SLC39A8: variants seen among roughly 807,000 people sequenced by gnomAD.
SLC39A8 encodes the protein solute carrier family 39 member 8, also known as metal cation symporter ZIP8.
A neutral mutation model predicts 40.4 loss-of-function variants in SLC39A8; 15 were observed. The ratio of observed to expected loss-of-function variants is 0.37; its 90% CI spans 0.25 to 0.57. The LOEUF is 0.57. Ranked by LOEUF, SLC39A8 falls within the 20% of genes least tolerant of loss-of-function variation. The pLI is 0.75. For missense variants in SLC39A8, 472 were observed against 558.8 expected, an observed-to-expected ratio of 0.84 and a Z score of 1.57; for synonymous variants, 223 against 221.6, an observed-to-expected ratio of 1.01 and a Z score of -0.06.
chr4:102,278,466 G>A (rs147609854), intron 6 of SLC39A8, among the ~76,000 whole-genome samples: 6 of 152,154 alleles, frequency 3.9e-5, no homozygotes, highest in African/African-American at 1.2e-4. Flanking sequence ...TTAGAATGTC[G>A]ATCACTAAAA....
chr4:102,318,317 G>A (rs910772668), intron 2 of SLC39A8, among the ~76,000 whole-genome samples: 4 of 152,124 alleles, frequency 2.6e-5, no homozygotes, highest in Admixed American at 6.6e-5. Flanking sequence ...CAATCACCAC[G>A]AAGAACACAG....
downstream of SLC39A8, among the ~76,000 whole-genome samples, chr4:102,260,191 A>T (rs912693866): frequency 6.6e-6 from 1 of 152,266 alleles, no homozygotes; most frequent in Non-Finnish European, 1.5e-5. Context: ...AACTGGCTGC[A>T]TAAGAACCAT....
intron 6 of SLC39A8, among the ~76,000 whole-genome samples, chr4:102,282,714 G>A (rs1386942438): frequency 6.6e-6 from 1 of 151,952 alleles, no homozygotes; most frequent in Non-Finnish European, 1.5e-5. Context: ...AGTGATCAAG[G>A]CAGTTTTTTG....
chr4:102,311,815 T>G (rs1426215500), intron 3 of SLC39A8, among the ~76,000 whole-genome samples: 1 of 152,104 alleles, frequency 6.6e-6, no homozygotes, highest in African/African-American at 2.4e-5. Context: ...TTTGTATCAT[T>G]TGGATTGTTT....
intron 2 of SLC39A8, among the ~76,000 whole-genome samples, chr4:102,332,131 A>G (rs1735493293): frequency 6.6e-6 from 1 of 152,226 alleles, no homozygotes; most frequent in South Asian, 2.1e-4. Flanking sequence ...CTAAAACACC[A>G]AAAGCAATGG....
intron 6 of SLC39A8, among the ~76,000 whole-genome samples, chr4:102,275,212 A>C (rs745966208): frequency 6.6e-6 from 1 of 152,206 alleles, no homozygotes; most frequent in Non-Finnish European, 1.5e-5. Flanking sequence ...GACCCATCTC[A>C]TGTAAGAAGA....
chr4:102,333,475 T>C (rs1213702246), intron 2 of SLC39A8, among the ~76,000 whole-genome samples: 1 of 152,140 alleles, frequency 6.6e-6, no homozygotes, highest in Non-Finnish European at 1.5e-5. Context: ...GCATTTGATA[T>C]GGGAAGGGGA....
intron 6 of SLC39A8, among the ~76,000 whole-genome samples, chr4:102,270,171 T>A (rs1732285130): frequency 6.6e-6 from 1 of 152,216 alleles, no homozygotes. Flanking sequence ...CTTATTGTGA[T>A]GACTTCAGAA....
chr4:102,340,110 G>A (rs1687401561), intron 2 of SLC39A8, among the ~76,000 whole-genome samples: 1 of 152,072 alleles, frequency 6.6e-6, no homozygotes, highest in South Asian at 2.1e-4. Flanking sequence ...AGTCATGTGA[G>A]GACTCAAATT....
chr4:102,303,109 T>C (rs59317983), intron 6 of SLC39A8, among the ~76,000 whole-genome samples: 1 of 151,932 alleles, frequency 6.6e-6, no homozygotes, highest in Admixed American at 6.6e-5. Context: ...TCCCCTTAAC[T>C]GGCTTTCCTT....
At position 102,281,798 on chromosome 4, in the gene SLC39A8, G is replaced by A. The variant is rs150824332; in HGVS notation, c.841-13719C>T. Among the ~76,000 whole-genome samples, 84 of 152,186 alleles carry A rather than the reference G, an allele frequency of 5.5e-4. No homozygotes were observed. In the East Asian group the frequency reaches 0.015, roughly 28 times the overall value. ...AGAAGTAGGAGCCACACAAGATAAG[G>A]GTACCAGGACCACATTCCCTCTGAA... On this transcript the variant is annotated intron_variant, in intron 6 of 8. Coordinates refer to ENST00000356736, the MANE Select transcript of SLC39A8 (RefSeq NM_001135146.2).
At chr4:102,310,389 A>G (rs1407836337) in intron 3 of SLC39A8, among the ~76,000 whole-genome samples, 1 of 152,160 alleles carries the variant, frequency 6.6e-6, no homozygotes. Flanking sequence ...AAACTGTGTG[A>G]TTCTCAATGA....
intron 4 of SLC39A8, 41 bp from the exon 5 acceptor site, chr4:102,305,152 T>G (rs1333536744): frequency 6.3e-7 from 1 of 1,585,562 alleles, no homozygotes; most frequent in Non-Finnish European, 8.6e-7. Context: ...AACCAAGAAA[T>G]TTAACTTGAT....
chr4:102,309,091 T>C (rs192590068), intron 3 of SLC39A8, among the ~76,000 whole-genome samples: 14 of 152,102 alleles, frequency 9.2e-5, no homozygotes, highest in African/African-American at 2.9e-4. Context: ...GAATTATACA[T>C]ACTTTATTAA....
intron 6 of SLC39A8, among the ~76,000 whole-genome samples, chr4:102,277,402 G>C (rs946738713): frequency 2.6e-5 from 4 of 152,016 alleles, no homozygotes; most frequent in African/African-American, 9.7e-5. Context: ...GCTACCAAGA[G>C]AATAAAATAC....
Position 102,315,846 on chromosome 4 carries a change from C to CA in SLC39A8, c.220-17dup, listed in dbSNP as rs371938850. On this transcript the variant is annotated splice_polypyrimidine_tract_variant and intron_variant, in intron 2 of 8. Coordinates refer to ENST00000356736, the MANE Select transcript of SLC39A8 (RefSeq NM_001135146.2). ...CAGTTAAACACTGAAATAGAATAAA[C>CA]AAAAAAAAAATGTGATAATAATGTG... 0.013 allele frequency: 17,748 copies of CA among 1,320,002 alleles called. 133 individuals are homozygous for CA. Among genetic ancestry groups the CA allele is most frequent in the African/African-American group, 0.086 (5,611 of 65,554 alleles). 81.8% of individuals were successfully genotyped at this position (1,320,002 alleles called of 1,614,324 possible). A position where few individuals can be genotyped will look rare whatever the true frequency, so the allele number is the denominator to read the frequency against.
intron 6 of SLC39A8, among the ~76,000 whole-genome samples, chr4:102,283,502 A>G (rs186376604): frequency 6.6e-6 from 1 of 152,228 alleles, no homozygotes; most frequent in Admixed American, 6.5e-5. Context: ...TTTGAGTAGA[A>G]GACACTGAAC....
Position 102,267,629 on chromosome 4 carries a change from G to A in SLC39A8, c.1094C>T (p.Ala365Val). The change falls in exon 8 of 9, where the codon GCC becomes GTC. Residue 365 changes from alanine to valine, a missense_variant. Ala to Val is a moderately conservative substitution (Grantham distance 64, BLOSUM62 0). Coordinates refer to ENST00000356736, the MANE Select transcript of SLC39A8 (RefSeq NM_001135146.2). ...TGCAGAAAGGAAGTTGAATAGCAAG[G>A]CTTGTCGAGTGCTCATCCCTGCATT... ...LLNAGMSTRQ[A>V]LLFNFLSACS... 1.9e-6 allele frequency: 3 copies of A among 1,613,388 alleles called. No homozygotes were observed. The highest frequency in any genetic ancestry group is 2.5e-6 in the Non-Finnish European group (3 of 1,179,804).
intron 2 of SLC39A8, among the ~76,000 whole-genome samples, chr4:102,317,592 G>A (rs1045494004): frequency 2.6e-5 from 4 of 152,092 alleles, no homozygotes; most frequent in Non-Finnish European, 5.9e-5. Context: ...GCATCCAGAA[G>A]CATAATTGCT....
Sources: allele counts gnomAD v4.1 joint callset (sites outside exome capture counted in the v4.1 genomes callset), GRCh38; gene constraint gnomAD v4.1.1; transcripts MANE v1.5; gene names NCBI Gene and HGNC (gene_info 2026-07-23, HGNC 2026-07-21).